Variants in GRPEL1 observed in about 807,000 individuals in gnomAD.
GRPEL1 encodes grpE protein homolog 1, mitochondrial.
Under a neutral mutation model 22.1 loss-of-function variants are expected in GRPEL1, and 13 were observed. The observed-to-expected ratio is 0.59, with a 90% CI of 0.38 to 0.94. GRPEL1 has a LOEUF of 0.94. Among genes scored for constraint, GRPEL1 ranks in the 40% least tolerant of loss-of-function variants. GRPEL1 has a pLI of 0.00. For synonymous variants in GRPEL1, 109 were observed against 105.3 expected (o/e 1.03, Z -0.21); for missense variants, 289 against 264.6 (o/e 1.09, Z -0.64).
In GRPEL1 at chr4:7,060,898, C is replaced by G. The variant is rs967738645; in HGVS notation, c.618G>C (p.Leu206=). Residue 206 remains leucine (L), a synonymous_variant, in exon 4 of 4, where the codon CTG becomes CTC. Transcript: ENST00000264954. ...TCACCACCCCCACCAGGGCGGGTCT[C>G]AGAGTGCGCCCATGCAGCTTGTACC... The part of the protein sequence containing the change: ...KVGYKLHGRT[L]RPALVGVVKE... 2 of 1,613,946 alleles carry G rather than the reference C, an allele frequency of 1.2e-6. No homozygotes were observed. The highest frequency in any genetic ancestry group is 8.5e-7 in the Non-Finnish European group (1 of 1,179,962).
At chr4:7,067,836 G>C in intron 1 of GRPEL1, 135 bp downstream of exon 1, 1 of 886,754 alleles carries the variant, frequency 1.1e-6, no homozygotes, top group Non-Finnish European at 1.8e-6. Flanking sequence ...GCGTCCCGCG[G>C]CGGGGAACCG....
intron 2 of GRPEL1, among the ~76,000 whole-genome samples, chr4:7,063,352 G>A (rs1274639670): frequency 1.3e-5 from 2 of 152,146 alleles, no homozygotes; most frequent in Admixed American, 6.5e-5. Context: ...ACCTTCCAAA[G>A]TGCTATCAGA....
chr4:7,067,625 C>T (rs948737788), intron 1 of GRPEL1: 29 of 369,064 alleles, frequency 7.9e-5, no homozygotes, highest in African/African-American at 3.5e-4. Context: ...GCCTCTGCGC[C>T]CGTGAGCGCC....
At chr4:7,063,395 C>CT (rs1724091106) in intron 2 of GRPEL1, among the ~76,000 whole-genome samples, 6 of 152,284 alleles carry the variant, frequency 3.9e-5, no homozygotes, top group Admixed American at 2.6e-4. Context: ...TAGCTTTTCT[C>CT]TTTTTAACAT....
At position 7,068,020 on chromosome 4, in the gene GRPEL1, A is replaced by G; in HGVS notation, c.13T>C (p.Cys5Arg). ...AGACTGCGCCGCGCCAACCTCACGC[A>G]CTGAGCCGCCATGACTGCCACTGCC... MAAQ[C>R]VRLARRSLPA... is the part of the protein sequence containing the mutation. Residue 5 changes from cysteine (C) to arginine (R), a missense_variant, in exon 1 of 4, where the codon TGC becomes CGC. Cys to Arg is a radical substitution (Grantham distance 180). Coordinates refer to ENST00000264954, the MANE Select transcript of GRPEL1 (RefSeq NM_025196.4). The G allele has an allele frequency of 6.2e-7, 1 of 1,612,390 alleles. No homozygotes were observed. Among genetic ancestry groups the G allele is most frequent in the Non-Finnish European group, 8.5e-7 (1 of 1,179,708 alleles).
In GRPEL1 at chr4:7,064,144, C is replaced by T; in HGVS notation, c.142G>A (p.Glu48Lys). The T allele has an allele frequency of 6.2e-7, 1 of 1,614,214 alleles. No individual in the cohort carries two copies. The highest frequency in any genetic ancestry group is 1.1e-5 in the South Asian group (1 of 91,086). ...QNLEEDMGQS[E>K]QKADPPATEK... ...GTAGCAGGAGGATCTGCCTTCTGTT[C>T]ACTCTGACCCATGTCCTCTTCCAGG... The change falls in exon 2 of 4, where the codon GAA becomes AAA. Residue 48 changes from glutamate (E) to lysine (K), a missense_variant. By Grantham distance (56) the Glu-to-Lys change is moderately conservative. Transcript: ENST00000264954.
chr4:7,067,196 A>T (rs1308883252), intron 1 of GRPEL1, among the ~76,000 whole-genome samples: 1 of 152,172 alleles, frequency 6.6e-6, no homozygotes, highest in Non-Finnish European at 1.5e-5. Flanking sequence ...TTCCTCCAGC[A>T]AGTACTTGCC....
chr4:7,064,040 C>G (rs1724102163), intron 2 of GRPEL1, 21 bp downstream of exon 2: 6 of 1,608,652 alleles, frequency 3.7e-6, no homozygotes, highest in Non-Finnish European at 3.4e-6. Flanking sequence ...CCCGCCCCCA[C>G]AGGAGCCTCA....
chr4:7,067,831 C>G, intron 1 of GRPEL1, 140 bp downstream of exon 1: 1 of 858,922 alleles, frequency 1.2e-6, no homozygotes, highest in Middle Eastern at 3.5e-4. Flanking sequence ...GGTCCGCGTC[C>G]CGCGGCGGGG....
rs368264182 is a variant in GRPEL1 at position 7,061,824 on chromosome 4, C to G, written c.307+561G>C. ...TCCATGTGGCCTCTCACCGTCTGAC[C>G]CAGGCAAGGCCATTTACCCTCCCTC... On this transcript the variant is annotated intron_variant, in intron 3 of 3. Transcript: ENST00000264954. 142 of 153,528 alleles carry G rather than the reference C, an allele frequency of 9.2e-4. 2 individuals are homozygous for G. In the South Asian group the frequency reaches 0.024, roughly 26 times the overall value. 9.5% of individuals were successfully genotyped at this position (153,528 alleles called of 1,614,324 possible).
rs1156893337 is a variant in GRPEL1 at position 7,060,848 on chromosome 4, C to T, written c.*14G>A. On this transcript the variant is annotated 3_prime_UTR_variant, in exon 4 of 4. Coordinates refer to ENST00000264954, the MANE Select transcript of GRPEL1 (RefSeq NM_025196.4). ...ATCAAGTGAGTTTAAAAACACCCACCCCATCAACAGCAGCTAAGCTTCCTT... is the reference window on the plus strand; with the variant it reads ...ATCAAGTGAGTTTAAAAACACCCACTCCATCAACAGCAGCTAAGCTTCCTT... 1 of 1,595,964 alleles carries T rather than the reference C, an allele frequency of 6.3e-7. No individual in the cohort carries two copies. The highest frequency in any genetic ancestry group is 2.2e-5 in the East Asian group (1 of 44,778).
chr4:7,060,643 T>C lies in GRPEL1; in HGVS notation c.*219A>G, dbSNP rs923345376. 7.0e-6 allele frequency: 4 copies of C among 574,606 alleles called. No homozygotes were observed. The highest frequency in any genetic ancestry group is 3.7e-5 in the African/African-American group (2 of 53,484). The allele number at this position is 574,606 out of a possible 1,614,324, so 35.6% of individuals were successfully genotyped here. A position where few individuals can be genotyped will look rare whatever the true frequency, so the allele number is the denominator to read the frequency against. ...GCCCTGCTGAGCTCTTCTGAAAGTA[T>C]GTGGAACTATTCAACGCGTGGCACT... On this transcript the variant is annotated 3_prime_UTR_variant, in exon 4 of 4. Transcript: ENST00000264954.
At chr4:7,067,025 T>C (rs746669326) in intron 1 of GRPEL1, among the ~76,000 whole-genome samples, 26 of 152,236 alleles carry the variant, frequency 1.7e-4, no homozygotes, top group Non-Finnish European at 2.8e-4. Flanking sequence ...TGTTAAGATA[T>C]AATTTATTAA....
rs948368981 is a variant in GRPEL1, at chr4:7,060,425, C to T, written c.*437G>A. On this transcript the variant is annotated 3_prime_UTR_variant, in exon 4 of 4. Coordinates refer to ENST00000264954, the MANE Select transcript of GRPEL1 (RefSeq NM_025196.4). The stretch of plus-strand genomic sequence containing the variant: ...AAGAAAAATGTTTCAACTCTCTTGC[C>T]TTTCCTTCAGCGAATGAAATGTGAC... 2 of 160,982 alleles carry T rather than the reference C, an allele frequency of 1.2e-5. No individual in the cohort carries two copies. The highest frequency in any genetic ancestry group is 2.7e-5 in the Non-Finnish European group (2 of 73,650). The allele number at this position is 160,982 out of a possible 1,614,324, so 10.0% of individuals were successfully genotyped here.
intron 1 of GRPEL1, among the ~76,000 whole-genome samples, chr4:7,067,215 T>C (rs1724189445): frequency 6.6e-6 from 1 of 151,954 alleles, no homozygotes; most frequent in African/African-American, 2.4e-5. Context: ...CCATACTAAC[T>C]TCTAAAGTAG....
In GRPEL1 at chr4:7,061,149, G is replaced by T; in HGVS notation, c.367C>A (p.Gln123Lys). Residue 123 changes from glutamine to lysine, a missense_variant, in exon 4 of 4, where the codon CAG becomes AAG. Coordinates refer to ENST00000264954, the MANE Select transcript of GRPEL1 (RefSeq NM_025196.4). ...TTAATTTCTTCTTTTGGAACACACTGTGTTGCCTTCTCCAGAACGTCTGCC... is the reference window on the plus strand; with the variant it reads ...TTAATTTCTTCTTTTGGAACACACTTTGTTGCCTTCTCCAGAACGTCTGCC... ...EVADVLEKAT[Q>K]CVPKEEIKDD... The T allele has an allele frequency of 6.2e-7, 1 of 1,614,126 alleles. No homozygotes were observed. Among genetic ancestry groups the T allele is most frequent in the Non-Finnish European group, 8.5e-7 (1 of 1,180,016 alleles).
chr4:7,065,577 CAG>C (rs1187542110), intron 1 of GRPEL1, among the ~76,000 whole-genome samples: 2 of 150,606 alleles, frequency 1.3e-5, no homozygotes, highest in Non-Finnish European at 2.9e-5. Context: ...TTGGGAGGCT[CAG>C]AGTAGAAGGA....
chr4:7,066,801 G>A (rs1364588700), intron 1 of GRPEL1, among the ~76,000 whole-genome samples: 1 of 152,210 alleles, frequency 6.6e-6, no homozygotes, highest in African/African-American at 2.4e-5. Flanking sequence ...GTCTCAGAAA[G>A]CCTAGTTACT....
At chr4:7,065,906 T>A (rs1416314567) in intron 1 of GRPEL1, among the ~76,000 whole-genome samples, 1 of 148,418 alleles carries the variant, frequency 6.7e-6, no homozygotes, top group Non-Finnish European at 1.5e-5. Context: ...CAGGCTGGAG[T>A]GCAGTGGTGC....
Sources: allele counts gnomAD v4.1 joint callset (sites outside exome capture counted in the v4.1 genomes callset), GRCh38; gene constraint gnomAD v4.1.1; transcripts MANE v1.5; gene names NCBI Gene and HGNC (gene_info 2026-07-23, HGNC 2026-07-21).